The following MLLT10 variants were observed in gnomAD, a reference collection of about 807,000 sequenced individuals.
MLLT10 encodes the protein protein AF-10.
Under a neutral mutation model 129.1 loss-of-function variants are expected in MLLT10, and 30 were observed. The observed-to-expected ratio is 0.23, with a 90% confidence interval of 0.17 to 0.32. The LOEUF is 0.32. Ranked by LOEUF, MLLT10 falls within the 10% of genes least tolerant of loss-of-function variation. The probability of loss-of-function intolerance (pLI) is 1.00; values close to 1 mark genes in which losing one functional copy is unlikely to be tolerated. For missense variants in MLLT10, 1,119 were observed against 1,268.3 expected, an observed-to-expected ratio of 0.88 and a Z score of 1.79; for synonymous variants, 490 against 446.4, an observed-to-expected ratio of 1.10 and a Z score of -1.23.
intron 8 of MLLT10, among the ~76,000 whole-genome samples, chr10:21,619,474 G>A (rs1192492392): frequency 1.3e-5 from 2 of 152,156 alleles, no homozygotes. Flanking sequence ...TAGTGCTGAT[G>A]ACTACACGTA....
intron 3 of MLLT10, among the ~76,000 whole-genome samples, chr10:21,540,473 T>G (rs2034947280): frequency 6.6e-6 from 1 of 151,878 alleles, no homozygotes; most frequent in Non-Finnish European, 1.5e-5. Flanking sequence ...GGAGGATTGC[T>G]TGAACCTGGG....
rs368500028 is a variant in MLLT10, at chr10:21,637,169, T to C, written c.700-14504T>C. Among the ~76,000 whole-genome samples, 4 of 152,290 alleles carry C rather than the reference T, an allele frequency of 2.6e-5. No homozygotes were observed. The East Asian group carries it at 7.7e-4, about 29-fold the overall frequency. On this transcript the variant is annotated intron_variant, in intron 8 of 22. Coordinates refer to ENST00000307729, the MANE Select transcript of MLLT10 (RefSeq NM_001195626.3). ...ATTCAGTTGGCAAAATCATAATTCA[T>C]AGAAACATGTAGCTTAAAAGCATAA...
At chr10:21,638,475 C>T (rs568366557) in intron 8 of MLLT10, among the ~76,000 whole-genome samples, 1 of 152,174 alleles carries the variant, frequency 6.6e-6, no homozygotes, top group South Asian at 2.1e-4. Context: ...CCACTGAATC[C>T]TGGGATCTTT....
At chr10:21,672,391 C>T (rs921865425) in intron 10 of MLLT10, among the ~76,000 whole-genome samples, 2 of 151,990 alleles carry the variant, frequency 1.3e-5, no homozygotes, top group Admixed American at 1.3e-4. Context: ...CCATGCCCAG[C>T]TCATTTTTAA....
At chr10:21,642,197 C>A (rs1241443227) in intron 8 of MLLT10, among the ~76,000 whole-genome samples, 1 of 149,886 alleles carries the variant, frequency 6.7e-6, no homozygotes, top group Admixed American at 6.7e-5. Flanking sequence ...TGAAAAATAA[C>A]AAAAAATTAG....
intron 13 of MLLT10, among the ~76,000 whole-genome samples, chr10:21,691,703 AAAAG>A (rs2053862262): frequency 6.6e-6 from 1 of 152,186 alleles, no homozygotes; most frequent in Admixed American, 6.5e-5. Context: ...ACAAAATTTA[AAAAG>A]AAAGAAATTT....
chr10:21,738,556 C>T (rs1371238272), intron 21 of MLLT10: 45 of 1,271,056 alleles, frequency 3.5e-5, no homozygotes, highest in Middle Eastern at 4.4e-4. Flanking sequence ...TCAAACTTAA[C>T]GTAGGTGAGG....
At chr10:21,539,703 A>G (rs1048544138) in intron 3 of MLLT10, among the ~76,000 whole-genome samples, 2 of 152,154 alleles carry the variant, frequency 1.3e-5, no homozygotes, top group African/African-American at 4.8e-5. Context: ...CGGGAGGTAG[A>G]GGTTGCAGTG....
intron 21 of MLLT10, among the ~76,000 whole-genome samples, chr10:21,735,447 C>T (rs2058284358): frequency 2.0e-5 from 3 of 152,166 alleles, no homozygotes; most frequent in Admixed American, 2.0e-4. Flanking sequence ...CATGGTGCTG[C>T]CATAGGCTCT....
chr10:21,626,992 G>T (rs1361830967), intron 8 of MLLT10, among the ~76,000 whole-genome samples: 2 of 152,124 alleles, frequency 1.3e-5, no homozygotes, highest in East Asian at 3.8e-4. Flanking sequence ...AGCAGTTAGA[G>T]TTTTAGACTT....
intron 11 of MLLT10, among the ~76,000 whole-genome samples, chr10:21,679,257 G>T (rs73592597): frequency 0.012 from 1,872 of 152,198 alleles, 39 homozygotes; most frequent in African/African-American, 0.042. Context: ...TTGGTTTTTT[G>T]ACTGAACTCT....
intron 13 of MLLT10, among the ~76,000 whole-genome samples, chr10:21,694,016 T>C (rs1274167723): frequency 6.6e-6 from 1 of 152,202 alleles, no homozygotes; most frequent in Non-Finnish European, 1.5e-5. Flanking sequence ...AAGAGCTGCG[T>C]AGTTCTTTTC....
At chr10:21,570,934 G>A (rs2040134111) in intron 3 of MLLT10, among the ~76,000 whole-genome samples, 1 of 151,948 alleles carries the variant, frequency 6.6e-6, no homozygotes, top group South Asian at 2.1e-4. Flanking sequence ...AGTTTCTCTA[G>A]TTTTGTTTGC....
intron 2 of MLLT10, among the ~76,000 whole-genome samples, chr10:21,538,498 A>G (rs2034500771): frequency 6.6e-6 from 1 of 151,350 alleles, no homozygotes; most frequent in South Asian, 2.1e-4. Context: ...GTGGAGATGG[A>G]GTCTCACTGT....
chr10:21,683,612 T>C (rs2052972586), intron 13 of MLLT10, among the ~76,000 whole-genome samples: 1 of 152,212 alleles, frequency 6.6e-6, no homozygotes, highest in Non-Finnish European at 1.5e-5. Context: ...TGACACCTAG[T>C]GAATGATGTT....
chr10:21,591,304 A>G (rs1461548214), intron 4 of MLLT10, among the ~76,000 whole-genome samples: 2 of 152,136 alleles, frequency 1.3e-5, no homozygotes, highest in East Asian at 1.9e-4. Flanking sequence ...AGCGATTAAC[A>G]GGCATGAACC....
chr10:21,667,980 C>T (rs79466070), intron 9 of MLLT10, among the ~76,000 whole-genome samples: 13 of 151,974 alleles, frequency 8.6e-5, no homozygotes, highest in Middle Eastern at 3.4e-3. Context: ...TTAAGTTGCC[C>T]GTAAATCACA....
At chr10:21,636,399 C>T (rs934515443) in intron 8 of MLLT10, among the ~76,000 whole-genome samples, 1 of 152,022 alleles carries the variant, frequency 6.6e-6, no homozygotes, top group Admixed American at 6.6e-5. Flanking sequence ...ACCAGTGTTA[C>T]GATTACAGGG....
chr10:21,602,111 T>A (rs369801355), intron 5 of MLLT10, among the ~76,000 whole-genome samples: 6 of 152,320 alleles, frequency 3.9e-5, no homozygotes, highest in African/African-American at 7.2e-5. Context: ...TATAAGCACC[T>A]GGATTTAGAA....
Sources: allele counts gnomAD v4.1 joint callset (sites outside exome capture counted in the v4.1 genomes callset), GRCh38; gene constraint gnomAD v4.1.1; transcripts MANE v1.5; gene names NCBI Gene and HGNC (gene_info 2026-07-23, HGNC 2026-07-21).